The following IL18RAP variants were observed in gnomAD, a reference collection of about 807,000 sequenced individuals.
The protein encoded by IL18RAP is interleukin 18 receptor accessory protein.
IL18RAP carries 37 observed loss-of-function variants against 58.1 expected under a neutral mutation model. The ratio of observed to expected loss-of-function variants is 0.64; its 90% CI spans 0.49 to 0.84. The LOEUF (loss-of-function observed/expected upper bound fraction) is 0.84. Ranked by LOEUF, IL18RAP falls within the 40% of genes least tolerant of loss-of-function variation. The probability of loss-of-function intolerance (pLI) is 0.00; values close to 1 mark genes in which losing one functional copy is unlikely to be tolerated. For synonymous variants in IL18RAP, 268 were observed against 257.5 expected, an observed-to-expected ratio of 1.04 and a Z score of -0.39; for missense variants, 667 against 704.8, an observed-to-expected ratio of 0.95 and a Z score of 0.61.
At chr2:102,423,473 A>G (rs1681709989) in intron 1 of IL18RAP, 126 bp downstream of exon 1, 1 of 833,356 alleles carries the variant, frequency 1.2e-6, no homozygotes, top group Admixed American at 1.9e-5. Flanking sequence ...TTAAAAGGGG[A>G]CTGAGAGGAG....
intron 8 of IL18RAP, among the ~76,000 whole-genome samples, chr2:102,447,666 T>TCAG (rs1683510479): frequency 6.6e-6 from 1 of 152,152 alleles, no homozygotes; most frequent in Non-Finnish European, 1.5e-5. Context: ...CTGTGAGGGC[T>TCAG]CACTGATGTA....
chr2:102,420,280 C>T (rs11465680), upstream of IL18RAP, among the ~76,000 whole-genome samples: 14 of 152,308 alleles, frequency 9.2e-5, no homozygotes, highest in South Asian at 1.2e-3. Flanking sequence ...CCCAGATGAG[C>T]GTGGTGGCTC....
chr2:102,444,314 G>C (rs893986295), intron 6 of IL18RAP, among the ~76,000 whole-genome samples: 1 of 152,180 alleles, frequency 6.6e-6, no homozygotes, highest in African/African-American at 2.4e-5. Flanking sequence ...GTAGTCAAGA[G>C]GGTATGTTTT....
chr2:102,421,548 A>G (rs1681578324), upstream of IL18RAP, among the ~76,000 whole-genome samples: 1 of 152,206 alleles, frequency 6.6e-6, no homozygotes, highest in Non-Finnish European at 1.5e-5. Flanking sequence ...GGGAGACCAC[A>G]TCTTTAAAGG....
intron 4 of IL18RAP, among the ~76,000 whole-genome samples, chr2:102,438,307 G>A (rs11465699): frequency 0.025 from 3,753 of 152,272 alleles, 60 homozygotes; most frequent in Non-Finnish European, 0.041. Context: ...GAGCAACAGA[G>A]TGGTTGACGT....
upstream of IL18RAP, among the ~76,000 whole-genome samples, chr2:102,420,808 A>T (rs1681529526): frequency 6.6e-6 from 1 of 152,270 alleles, no homozygotes; most frequent in South Asian, 2.1e-4. Flanking sequence ...AGGTCCAAAA[A>T]GAGCCTAAGT....
At chr2:102,437,188 T>C (rs1390598609) in intron 3 of IL18RAP, 24 bp from the exon 4 acceptor site, 2 of 1,581,804 alleles carry the variant, frequency 1.3e-6, no homozygotes, top group East Asian at 2.3e-5. Flanking sequence ...CAAATTTATC[T>C]GCTTAAAATA....
intron 3 of IL18RAP, among the ~76,000 whole-genome samples, chr2:102,424,710 GA>G (rs1681823479): frequency 6.6e-6 from 1 of 152,204 alleles, no homozygotes; most frequent in Non-Finnish European, 1.5e-5. Context: ...GCTAATGTAG[GA>G]AGATAGGTTC....
chr2:102,448,541 T>C (rs998478268), intron 8 of IL18RAP, among the ~76,000 whole-genome samples: 1 of 152,152 alleles, frequency 6.6e-6, no homozygotes, highest in African/African-American at 2.4e-5. Flanking sequence ...CAGAATCCCC[T>C]TTTGCAGGAT....
Position 102,452,128 on chromosome 2 carries a change from G to C in IL18RAP, c.1747G>C (p.Gly583Arg). 6.2e-7 allele frequency: 1 copy of C among 1,614,018 alleles called. No individual in the cohort carries two copies. Among genetic ancestry groups the C allele is most frequent in the Non-Finnish European group, 8.5e-7 (1 of 1,179,978 alleles). Residue 583 changes from glycine to arginine, a missense_variant, in exon 10 of 10, where the codon GGA becomes CGA. Transcript: ENST00000687160. ...TACCTCTAGGATTTTTCAGTGGAAA[G>C]GACTCAGTAGAACAGAAACCACTGG... ...RITSRIFQWK[G>R]LSRTETTGRS...
upstream of IL18RAP, among the ~76,000 whole-genome samples, chr2:102,421,680 C>A (rs1681586688): frequency 6.6e-6 from 1 of 152,162 alleles, no homozygotes; most frequent in African/African-American, 2.4e-5. Flanking sequence ...AGGCGCATTG[C>A]ACAGAACCCC....
Position 102,423,944 on chromosome 2 carries a change from T to A in IL18RAP, c.204T>A (p.Pro68=), listed in dbSNP as rs1289692855. The A allele has an allele frequency of 6.2e-7, 1 of 1,613,964 alleles. No individual in the cohort carries two copies. The highest frequency in any genetic ancestry group is 8.5e-7 in the Non-Finnish European group (1 of 1,180,012). ...HRNRLSPKQV[P]EHLPFMGSND... The stretch of plus-strand genomic sequence containing the variant: ...ATCGACTCTCACCAAAACAAGTCCC[T>A]GAGCACCTGCCCTTCATGGGTAGTA... Residue 68 remains proline (P), a synonymous_variant, in exon 2 of 10, where the codon CCT becomes CCA. Transcript: ENST00000687160.
At chr2:102,430,968 C>G (rs2104320319) in intron 3 of IL18RAP, among the ~76,000 whole-genome samples, 1 of 152,148 alleles carries the variant, frequency 6.6e-6, no homozygotes, top group East Asian at 1.9e-4. Context: ...GCTTTATATA[C>G]CACCCTTACA....
chr2:102,451,365 C>G (rs546750903), intron 9 of IL18RAP, among the ~76,000 whole-genome samples: 1 of 152,338 alleles, frequency 6.6e-6, no homozygotes, highest in African/African-American at 2.4e-5. Context: ...AAAGCTCACT[C>G]AGCACTGGGT....
At chr2:102,437,092 C>T in intron 3 of IL18RAP, 120 bp from the exon 4 acceptor site, 1 of 838,526 alleles carries the variant, frequency 1.2e-6, no homozygotes, top group Admixed American at 2.7e-5. Context: ...TTGTGAGATA[C>T]CCTTATCTCA....
intron 3 of IL18RAP, among the ~76,000 whole-genome samples, chr2:102,428,379 G>GTT (rs57882228): frequency 0.25 from 35,716 of 145,738 alleles, 5,386 homozygotes; most frequent in African/African-American, 0.43. Flanking sequence ...CCTTTTGTTA[G>GTT]TTTTTTTTTT....
At chr2:102,430,574 G>T (rs1049523914) in intron 3 of IL18RAP, among the ~76,000 whole-genome samples, 1 of 152,008 alleles carries the variant, frequency 6.6e-6, no homozygotes, top group Non-Finnish European at 1.5e-5. Context: ...ATAAGCACAG[G>T]CTGTTGCCAT....
At chr2:102,430,973 C>T (rs751871340) in intron 3 of IL18RAP, among the ~76,000 whole-genome samples, 7 of 152,122 alleles carry the variant, frequency 4.6e-5, no homozygotes, top group Non-Finnish European at 7.4e-5. Flanking sequence ...ATATACCACC[C>T]TTACATTATT....
At chr2:102,431,004 A>G (rs1323014435) in intron 3 of IL18RAP, among the ~76,000 whole-genome samples, 2 of 152,174 alleles carry the variant, frequency 1.3e-5, no homozygotes, top group East Asian at 3.8e-4. Flanking sequence ...GAATATGACT[A>G]TGTATTAACT....
Sources: gnomAD v4.1 joint callset for allele counts (sites outside exome capture counted in the v4.1 genomes callset) on GRCh38, gnomAD v4.1.1 for gene constraint, MANE v1.5 for transcripts, NCBI Gene and HGNC (gene_info 2026-07-23, HGNC 2026-07-21) for gene names.